Variants in DIAPH3 observed in about 807,000 individuals in gnomAD.
DIAPH3 encodes protein diaphanous homolog 3.
In DIAPH3, 117 loss-of-function variants were observed where a neutral mutation model predicts 144.3. The observed-to-expected ratio is 0.81, with a 90% CI of 0.70 to 0.95. The LOEUF (loss-of-function observed/expected upper bound fraction) is 0.95. DIAPH3 is among the 40% of genes least tolerant of loss of function. The pLI, the probability that DIAPH3 is intolerant of heterozygous loss-of-function variation, is 0.00. For missense variants in DIAPH3, 1,421 were observed against 1,412.7 expected, an observed-to-expected ratio of 1.01 and a Z score of -0.09; for synonymous variants, 519 against 488.9, an observed-to-expected ratio of 1.06 and a Z score of -0.81.
At chr13:59,765,039 G>C (rs888081650) in intron 27 of DIAPH3, among the ~76,000 whole-genome samples, 3 of 151,966 alleles carry the variant, frequency 2.0e-5, no homozygotes, top group African/African-American at 4.8e-5. Flanking sequence ...AATTGTTTTT[G>C]TAACTCTTTC....
chr13:60,072,032 C>A (rs892826674), intron 4 of DIAPH3, among the ~76,000 whole-genome samples: 1 of 152,096 alleles, frequency 6.6e-6, no homozygotes, highest in Non-Finnish European at 1.5e-5. Context: ...GCACATTCGC[C>A]AACCCCCTTC....
At chr13:59,857,574 A>G (rs564783746) in intron 22 of DIAPH3, among the ~76,000 whole-genome samples, 1 of 152,358 alleles carries the variant, frequency 6.6e-6, no homozygotes, top group Admixed American at 6.5e-5. Flanking sequence ...CTCTGATAAT[A>G]CACTGAATAT....
intron 24 of DIAPH3, among the ~76,000 whole-genome samples, chr13:59,824,778 G>A (rs540812499): frequency 1.3e-5 from 2 of 152,060 alleles, no homozygotes; most frequent in African/African-American, 2.4e-5. Context: ...TTTTAAGGCA[G>A]GGATTTTTTT....
At chr13:59,719,119 C>T (rs1411454840) in intron 27 of DIAPH3, among the ~76,000 whole-genome samples, 1 of 152,130 alleles carries the variant, frequency 6.6e-6, no homozygotes, top group Non-Finnish European at 1.5e-5. Context: ...AAACAGTAGG[C>T]TGCTCTTTTT....
chr13:59,826,999 A>T (rs2041471006), intron 24 of DIAPH3, among the ~76,000 whole-genome samples: 1 of 152,186 alleles, frequency 6.6e-6, no homozygotes, highest in African/African-American at 2.4e-5. Context: ...CTGAAACTGG[A>T]TCCCTTCCTT....
chr13:59,799,564 T>C (rs971053514), intron 25 of DIAPH3, among the ~76,000 whole-genome samples: 7 of 152,214 alleles, frequency 4.6e-5, no homozygotes, highest in Admixed American at 1.3e-4. Context: ...TTACCAAAAG[T>C]ATAAGAGCAC....
intron 9 of DIAPH3, among the ~76,000 whole-genome samples, chr13:60,001,682 G>T (rs985026304): frequency 6.6e-6 from 1 of 152,124 alleles, no homozygotes; most frequent in Non-Finnish European, 1.5e-5. Flanking sequence ...GCATTAACTT[G>T]CCTCTCTCTT....
intron 22 of DIAPH3, among the ~76,000 whole-genome samples, chr13:59,857,340 C>T (rs770987499): frequency 1.3e-5 from 2 of 151,928 alleles, no homozygotes; most frequent in Non-Finnish European, 2.9e-5. Flanking sequence ...ATGATGGAAA[C>T]GCATGAGAAA....
intron 5 of DIAPH3, among the ~76,000 whole-genome samples, chr13:60,026,144 C>T (rs1247775523): frequency 6.6e-6 from 1 of 152,130 alleles, no homozygotes; most frequent in Admixed American, 6.5e-5. Flanking sequence ...TTGAGTTCTA[C>T]TCTCTTATAC....
At chr13:59,736,057 C>T (rs980052325) in intron 27 of DIAPH3, among the ~76,000 whole-genome samples, 1 of 152,132 alleles carries the variant, frequency 6.6e-6, no homozygotes, top group Non-Finnish European at 1.5e-5. Flanking sequence ...TTTTCTGTTA[C>T]TATGTTAGTT....
At chr13:59,817,587 A>T (rs1466144138) in intron 24 of DIAPH3, among the ~76,000 whole-genome samples, 2 of 151,896 alleles carry the variant, frequency 1.3e-5, no homozygotes, top group African/African-American at 4.8e-5. Context: ...AAACAGCATA[A>T]AACCAGATTT....
At chr13:59,817,830 A>G (rs1053490221) in intron 24 of DIAPH3, among the ~76,000 whole-genome samples, 1 of 151,974 alleles carries the variant, frequency 6.6e-6, no homozygotes, top group Admixed American at 6.6e-5. Flanking sequence ...GCAACTTAAC[A>G]AGACCTAAAG....
chr13:60,075,986 G>A (rs1377036431), intron 4 of DIAPH3, among the ~76,000 whole-genome samples: 2 of 152,210 alleles, frequency 1.3e-5, no homozygotes, highest in East Asian at 1.9e-4. Flanking sequence ...GGGGGTCACT[G>A]CACATGCAGG....
intron 4 of DIAPH3, among the ~76,000 whole-genome samples, chr13:60,084,539 T>C (rs1279055795): frequency 6.6e-6 from 1 of 152,002 alleles, no homozygotes; most frequent in East Asian, 1.9e-4. Flanking sequence ...AAAGTCATCC[T>C]TAACAAAAAT....
intron 21 of DIAPH3, among the ~76,000 whole-genome samples, chr13:59,863,990 A>G (rs2043760311): frequency 6.6e-6 from 1 of 152,162 alleles, no homozygotes; most frequent in Non-Finnish European, 1.5e-5. Context: ...TTTACTCTAA[A>G]AATGTTAAGT....
intron 27 of DIAPH3, among the ~76,000 whole-genome samples, chr13:59,686,368 G>A (rs549613543): frequency 1.3e-4 from 20 of 151,962 alleles, no homozygotes; most frequent in Admixed American, 9.8e-4. Flanking sequence ...ATCTTACACT[G>A]TAAGAATAAA....
At chr13:59,979,772 A>C (rs140139356) in intron 14 of DIAPH3, among the ~76,000 whole-genome samples, 149 of 151,812 alleles carry the variant, frequency 9.8e-4, no homozygotes, top group Non-Finnish European at 1.8e-3. Flanking sequence ...ACTCCTTGGC[A>C]TGATGCCTAA....
intron 9 of DIAPH3, among the ~76,000 whole-genome samples, chr13:60,008,053 C>A (rs954511622): frequency 2.0e-5 from 3 of 152,074 alleles, no homozygotes; most frequent in African/African-American, 7.2e-5. Flanking sequence ...CAAGATGTAT[C>A]TATAAGATAA....
At chr13:59,799,291 G>A (rs1470471512) in intron 25 of DIAPH3, among the ~76,000 whole-genome samples, 1 of 151,374 alleles carries the variant, frequency 6.6e-6, no homozygotes, top group Non-Finnish European at 1.5e-5. Context: ...TTCCTTCATC[G>A]AAGGAAGAAG....
Sources: gnomAD v4.1 joint callset for allele counts (sites outside exome capture counted in the v4.1 genomes callset) on GRCh38, gnomAD v4.1.1 for gene constraint, MANE v1.5 for transcripts, NCBI Gene and HGNC (gene_info 2026-07-23, HGNC 2026-07-21) for gene names.